The following PBX1 variants were observed in gnomAD, a reference collection of about 807,000 sequenced individuals.
PBX1 encodes pre-B-cell leukemia transcription factor 1.
Under a neutral mutation model 53.4 loss-of-function variants are expected in PBX1, and 6 were observed. The ratio of observed to expected loss-of-function variants is 0.11; its 90% CI spans 0.06 to 0.22. The LOEUF is 0.22. PBX1 is among the 10% of genes least tolerant of loss of function. The pLI, the probability that PBX1 is intolerant of heterozygous loss-of-function variation, is 1.00. For synonymous variants in PBX1, 204 were observed against 212.3 expected, an observed-to-expected ratio of 0.96 and a Z score of 0.34; for missense variants, 251 against 551.4, an observed-to-expected ratio of 0.46 and a Z score of 5.46.
At chr1:164,606,667 A>G (rs1369542448) in intron 2 of PBX1, among the ~76,000 whole-genome samples, 1 of 152,228 alleles carries the variant, frequency 6.6e-6, no homozygotes, top group African/African-American at 2.4e-5. Flanking sequence ...CATAAGCTCC[A>G]TGATGGCAGG....
intron 2 of PBX1, among the ~76,000 whole-genome samples, chr1:164,792,066 A>AC (rs34861407): frequency 3.2e-4 from 49 of 151,706 alleles, no homozygotes; most frequent in Middle Eastern, 6.8e-3. Flanking sequence ...CTCGTGATCA[A>AC]CCCCCCACTC....
At chr1:164,800,411 G>A (rs1414055999) in intron 4 of PBX1, among the ~76,000 whole-genome samples, 1 of 152,212 alleles carries the variant, frequency 6.6e-6, no homozygotes, top group Non-Finnish European at 1.5e-5. Flanking sequence ...GACACAGAGG[G>A]ACAAGGAGGT....
intron 2 of PBX1, among the ~76,000 whole-genome samples, chr1:164,568,346 AG>A (rs1236568587): frequency 2.0e-5 from 3 of 151,216 alleles, no homozygotes; most frequent in African/African-American, 7.3e-5. Context: ...TTAAAAAAAA[AG>A]TTTACCAAAG....
intron 2 of PBX1, among the ~76,000 whole-genome samples, chr1:164,617,978 G>A (rs1020100351): frequency 6.6e-6 from 1 of 152,060 alleles, no homozygotes; most frequent in Admixed American, 6.6e-5. Context: ...ACATCTCAGG[G>A]ATTAGAACCC....
chr1:164,831,305 T>G (rs1670739667), intron 8 of PBX1, among the ~76,000 whole-genome samples: 1 of 152,212 alleles, frequency 6.6e-6, no homozygotes, highest in Non-Finnish European at 1.5e-5. Context: ...AATATTTATT[T>G]GCAGGATTTT....
Position 164,569,646 on chromosome 1 carries a change from A to G in PBX1, c.265+6335A>G, listed in dbSNP as rs530946258. Among the ~76,000 whole-genome samples, 10 of 120,598 alleles carry G rather than the reference A, an allele frequency of 8.3e-5. No individual in the cohort carries two copies. The East Asian group carries it at 2.6e-3, about 31-fold the overall frequency. The allele number at this position is 120,598 out of a possible 152,430, so 79.1% of individuals were successfully genotyped here. ...GAGTGCAGTGGCGTGATCTCGGCCC[A>G]CTGAAACCTCTATCCCTGGGTTCAA... On this transcript the variant is annotated intron_variant, in intron 2 of 8. Transcript: ENST00000420696.
At chr1:164,560,947 T>A (rs1024340077) in intron 1 of PBX1, among the ~76,000 whole-genome samples, 2 of 152,194 alleles carry the variant, frequency 1.3e-5, no homozygotes, top group Admixed American at 6.5e-5. Flanking sequence ...TAATAAACTG[T>A]GTAGCCTCTC....
At chr1:164,787,111 A>G (rs983872352) in intron 2 of PBX1, among the ~76,000 whole-genome samples, 1 of 152,156 alleles carries the variant, frequency 6.6e-6, no homozygotes, top group African/African-American at 2.4e-5. Flanking sequence ...CTCTTCTGGT[A>G]GGATGTGGTA....
chr1:164,840,126 G>C (rs1003156777), intron 8 of PBX1, among the ~76,000 whole-genome samples: 2 of 152,116 alleles, frequency 1.3e-5, no homozygotes, highest in Non-Finnish European at 1.5e-5. Context: ...AGCAAAGCTA[G>C]GCATAAGCTT....
At chr1:164,773,723 C>T (rs1240472021) in intron 2 of PBX1, among the ~76,000 whole-genome samples, 1 of 152,142 alleles carries the variant, frequency 6.6e-6, no homozygotes, top group Admixed American at 6.5e-5. Flanking sequence ...TGGATCATCT[C>T]TAGAGGGGAT....
chr1:164,717,327 C>G (rs1219731367), intron 2 of PBX1, among the ~76,000 whole-genome samples: 1 of 151,960 alleles, frequency 6.6e-6, no homozygotes, highest in African/African-American at 2.4e-5. Flanking sequence ...CTTTTATTTG[C>G]CTGTGGTGTG....
chr1:164,601,096 G>A (rs539844630), intron 2 of PBX1, among the ~76,000 whole-genome samples: 28 of 151,882 alleles, frequency 1.8e-4, no homozygotes, highest in African/African-American at 6.5e-4. Context: ...AAAATTAGCC[G>A]GGCGTGGCGG....
intron 2 of PBX1, among the ~76,000 whole-genome samples, chr1:164,715,943 T>C (rs1463688317): frequency 6.6e-6 from 1 of 152,220 alleles, no homozygotes; most frequent in Non-Finnish European, 1.5e-5. Flanking sequence ...TGCCCACTTA[T>C]ACTTCTCAAA....
At chr1:164,803,041 T>C (rs1669161319) in intron 4 of PBX1, among the ~76,000 whole-genome samples, 1 of 152,112 alleles carries the variant, frequency 6.6e-6, no homozygotes. Context: ...TTACATAAAG[T>C]ATATTGCCAA....
chr1:164,735,085 C>T (rs190095602), intron 2 of PBX1, among the ~76,000 whole-genome samples: 74 of 152,248 alleles, frequency 4.9e-4, no homozygotes, highest in Non-Finnish European at 2.5e-4. Context: ...CTATAGTGCT[C>T]TATAGTTTTA....
At chr1:164,844,360 T>C (rs981252273) in intron 8 of PBX1, among the ~76,000 whole-genome samples, 1 of 151,980 alleles carries the variant, frequency 6.6e-6, no homozygotes, top group African/African-American at 2.4e-5. Flanking sequence ...ACAGATACAC[T>C]CCTGCCTGCC....
intron 6 of PBX1, chr1:164,813,467 G>A (rs577903848): frequency 6.6e-6 from 1 of 152,252 alleles, no homozygotes; most frequent in African/African-American, 2.4e-5. Context: ...TGATTGACAA[G>A]GGATCAAAGC....
At chr1:164,735,112 T>C (rs1315596717) in intron 2 of PBX1, among the ~76,000 whole-genome samples, 1 of 152,198 alleles carries the variant, frequency 6.6e-6, no homozygotes, top group Non-Finnish European at 1.5e-5. Flanking sequence ...CTATAATGCA[T>C]TGATAATGTA....
chr1:164,858,102 T>A (rs774312414), intron 2 of PBX1, among the ~76,000 whole-genome samples: 3 of 152,144 alleles, frequency 2.0e-5, no homozygotes, highest in Non-Finnish European at 2.9e-5. Context: ...AAGATCTTAC[T>A]CTTCCTGAAA....
Sources: gnomAD v4.1 joint callset for allele counts (sites outside exome capture counted in the v4.1 genomes callset) on GRCh38, gnomAD v4.1.1 for gene constraint, MANE v1.5 for transcripts, NCBI Gene and HGNC (gene_info 2026-07-23, HGNC 2026-07-21) for gene names.